MTRR: variants seen among roughly 807,000 people sequenced by gnomAD.
MTRR encodes the protein 5-methyltetrahydrofolate-homocysteine methyltransferase reductase.
Under a neutral mutation model 79.2 loss-of-function variants are expected in MTRR, and 63 were observed. The ratio of observed to expected loss-of-function variants is 0.80; its 90% confidence interval spans 0.65 to 0.98. MTRR has a LOEUF of 0.98. Ranked by LOEUF, MTRR falls within the 50% of genes least tolerant of loss-of-function variation. MTRR has a pLI of 0.00. For synonymous variants in MTRR, 355 were observed against 313.3 expected (o/e 1.13, Z -1.41); for missense variants, 895 against 839.6 (o/e 1.07, Z -0.82).
Position 7,900,414 on chromosome 5 carries a change from T to C in MTRR, c.*356T>C, listed in dbSNP as rs1469431067. The stretch of plus-strand genomic sequence containing the variant: ...GGCTTCCTGAAATAGGGAGACTGAC[T>C]GAGTAGCTCATTCTTGTGACTTACA... On this transcript the variant is annotated 3_prime_UTR_variant, in exon 15 of 15. Transcript: ENST00000440940. 1.6e-5 allele frequency: 4 copies of C among 254,574 alleles called. No homozygotes were observed. The highest frequency in any genetic ancestry group is 1.5e-4 in the Admixed American group (3 of 19,624). The allele number at this position is 254,574 out of a possible 1,614,324, so 15.8% of individuals were successfully genotyped here.
chr5:7,856,792 A>G (rs1360541142), intron 1 of MTRR: 16 of 150,452 alleles, frequency 1.1e-4, no homozygotes, highest in Admixed American at 8.6e-4. Context: ...TTTAGGAGGA[A>G]CTGACTGCTT....
At chr5:7,877,847 A>C (rs2126692118) in intron 4 of MTRR, 97 bp from the exon 5 acceptor site, 1 of 1,539,396 alleles carries the variant, frequency 6.5e-7, no homozygotes, top group South Asian at 1.1e-5. Context: ...TAACAAGTGC[A>C]TACTTTGCCA....
At chr5:7,892,676 T>A (rs777390592) in intron 10 of MTRR, 51 bp from the exon 11 acceptor site, 1 of 1,550,622 alleles carries the variant, frequency 6.4e-7, no homozygotes, top group African/African-American at 1.4e-5. Context: ...TTGACCCATA[T>A]GTGTAGTAGT....
At chr5:7,883,317 C>A in intron 6 of MTRR, 40 bp downstream of exon 6, 2 of 1,612,952 alleles carry the variant, frequency 1.2e-6, no homozygotes, top group South Asian at 2.2e-5. Context: ...GTAATATTGT[C>A]AGGATGTGCA....
At position 7,895,800 on chromosome 5, in the gene MTRR, ATGG is replaced by A; in HGVS notation, c.1628_1630del (p.Val543del). 6.2e-7 allele frequency: 1 copy of A among 1,614,128 alleles called. No homozygotes were observed. Among genetic ancestry groups the A allele is most frequent in the Non-Finnish European group, 8.5e-7 (1 of 1,179,986 alleles). On this transcript the variant is annotated inframe_deletion, in exon 12 of 15. Coordinates refer to ENST00000440940, the MANE Select transcript of MTRR (RefSeq NM_002454.3). ...AGATGACCCCTCAATCCCCATCATA[ATGG>A]TGGGTCCAGGAACCGGCATAGCCCC...
Position 7,896,867 on chromosome 5 carries a change from G to C in MTRR, c.1680G>C (p.Glu560Asp). 2 of 1,613,482 alleles carry C rather than the reference G, an allele frequency of 1.2e-6. No individual in the cohort carries two copies. The highest frequency in any genetic ancestry group is 1.7e-6 in the Non-Finnish European group (2 of 1,179,742). The change falls in exon 13 of 15, where the codon GAG (glutamate) becomes GAC (aspartate). Residue 560 changes from glutamate to aspartate, a missense_variant. Physicochemically the swap from Glu to Asp is conservative, Grantham distance 45. Coordinates refer to ENST00000440940, the MANE Select transcript of MTRR (RefSeq NM_002454.3). ...APFIGFLQHR[E>D]KLQEQHPDGN... ...AACTTTTTTTTTTTCCACTTAGAGA[G>C]AAACTCCAAGAACAACACCCAGATG...
intron 3 of MTRR, among the ~76,000 whole-genome samples, chr5:7,874,353 T>C (rs1748494349): frequency 6.6e-6 from 1 of 152,178 alleles, no homozygotes. Flanking sequence ...CTGTCATATA[T>C]AACATGTTCA....
At chr5:7,898,137 C>A (rs1186519328) in intron 14 of MTRR, among the ~76,000 whole-genome samples, 2 of 152,114 alleles carry the variant, frequency 1.3e-5, no homozygotes, top group African/African-American at 4.8e-5. Context: ...GATTTTGACT[C>A]CTAATTGAAA....
chr5:7,895,783 C>T lies in MTRR; in HGVS notation c.1607C>T (p.Pro536Leu). The change falls in exon 12 of 15, where the codon CCC becomes CTC. Residue 536 changes from proline (P) to leucine (L), a missense_variant. By Grantham distance (98) the Pro-to-Leu change is moderately conservative. Transcript: ENST00000440940. ...TTNSFHLPDD[P>L]SIPIIMVGPG... ...AATTCTTTCCACTTACCAGATGACC[C>T]CTCAATCCCCATCATAATGGTGGGT... The T allele has an allele frequency of 6.2e-7, 1 of 1,614,066 alleles. No individual in the cohort carries two copies. Among genetic ancestry groups the T allele is most frequent in the Non-Finnish European group, 8.5e-7 (1 of 1,179,970 alleles).
Position 7,900,380 on chromosome 5 carries a change from C to G in MTRR, c.*322C>G, listed in dbSNP as rs554124418. 1.7e-5 allele frequency: 5 copies of G among 300,290 alleles called. No individual in the cohort carries two copies. The South Asian group carries it at 2.1e-4, about 13-fold the overall frequency. 18.6% of individuals were successfully genotyped at this position (300,290 alleles called of 1,614,324 possible). A position where few individuals can be genotyped will look rare whatever the true frequency, so the allele number is the denominator to read the frequency against. On this transcript the variant is annotated 3_prime_UTR_variant, in exon 15 of 15. Transcript: ENST00000440940. ...AGAACTTCACAGAGACTCTGTCCTT[C>G]CATGCAAAGGCTTCCTGAAATAGGG...
intron 12 of MTRR, 74 bp downstream of exon 12, chr5:7,895,926 A>C: frequency 6.4e-7 from 1 of 1,559,908 alleles, no homozygotes; most frequent in Non-Finnish European, 8.7e-7. Flanking sequence ...CATTTTGAGG[A>C]TAATTGGACT....
At position 7,869,229 on chromosome 5, in the gene MTRR, C is replaced by T. The variant is rs368193742; in HGVS notation, c.-26+14C>T. ...GGCGCGGCGTGGGTAAGCTGCCTGT[C>T]GGCTACGGTTCCCGGATTCCGGCCG... On this transcript the variant is annotated intron_variant, in intron 1 of 14. Transcript: ENST00000440940. 2.5e-4 allele frequency: 408 copies of T among 1,603,684 alleles called. 1 individual carries two copies. Among genetic ancestry groups the T allele is most frequent in the Middle Eastern group, 3.3e-4 (2 of 6,064 alleles).
At chr5:7,867,810 G>T (rs1469128509), upstream of MTRR, 1 of 1,614,116 alleles carries the variant, frequency 6.2e-7, no homozygotes, top group Admixed American at 1.7e-5. Context: ...TTAACATTTT[G>T]TTCAAGCCTG....
chr5:7,869,125 G>T, upstream of MTRR: 1 of 1,613,514 alleles, frequency 6.2e-7, no homozygotes, highest in Admixed American at 1.7e-5. Context: ...TTGGTCCTGG[G>T]TACCGAGCAT....
upstream of MTRR, chr5:7,868,044 A>C: frequency 6.2e-7 from 1 of 1,612,976 alleles, no homozygotes; most frequent in Non-Finnish European, 8.5e-7. Context: ...TGAAAATCAG[A>C]TAAACGATAA....
chr5:7,871,581 A>G (rs1355267535), intron 2 of MTRR, among the ~76,000 whole-genome samples: 1 of 152,230 alleles, frequency 6.6e-6, no homozygotes, highest in African/African-American at 2.4e-5. Context: ...GCCAGCCGCT[A>G]AGCAGTTAAA....
At chr5:7,869,027 G>T (rs375444705), upstream of MTRR, 5 of 1,356,066 alleles carry the variant, frequency 3.7e-6, no homozygotes, top group East Asian at 4.6e-5. Context: ...GCGCCTGGGC[G>T]TCGTGGGCCT....
intron 2 of MTRR, chr5:7,863,089 T>A: frequency 9.3e-7 from 1 of 1,078,228 alleles, no homozygotes. Context: ...AAGTTTGATA[T>A]AACATTACTT....
At chr5:7,860,790 C>T (rs1341807164) in intron 1 of MTRR, among the ~76,000 whole-genome samples, 1 of 152,180 alleles carries the variant, frequency 6.6e-6, no homozygotes, top group Non-Finnish European at 1.5e-5. Context: ...TGGGCTATTT[C>T]TTGTAGAAGC....
Sources: gnomAD v4.1 joint callset for allele counts (sites outside exome capture counted in the v4.1 genomes callset) on GRCh38, gnomAD v4.1.1 for gene constraint, MANE v1.5 for transcripts, NCBI Gene and HGNC (gene_info 2026-07-23, HGNC 2026-07-21) for gene names.